The following KIF26B variants were observed in gnomAD, a reference collection of about 807,000 sequenced individuals.
The protein encoded by KIF26B is kinesin-like protein KIF26B.
KIF26B carries 63 observed loss-of-function variants against 151.2 expected under a neutral mutation model. That is an observed-to-expected ratio of 0.42 (90% CI 0.34 to 0.51). KIF26B has a LOEUF of 0.51. KIF26B is among the 20% of genes least tolerant of loss of function. The probability of loss-of-function intolerance (pLI) is 0.07; values close to 1 mark genes in which losing one functional copy is unlikely to be tolerated. For synonymous variants in KIF26B, 1,357 were observed against 1,262.1 expected (o/e 1.08, Z -1.59); for missense variants, 2,813 against 2,913.6 (o/e 0.97, Z 0.79).
At chr1:245,334,488 CCCT>C (rs1672182932) in intron 2 of KIF26B, among the ~76,000 whole-genome samples, 1 of 152,152 alleles carries the variant, frequency 6.6e-6, no homozygotes, top group African/African-American at 2.4e-5. Context: ...ATCAGTCAGT[CCCT>C]CCTCATAAAA....
intron 10 of KIF26B, among the ~76,000 whole-genome samples, chr1:245,648,860 G>T (rs568104243): frequency 6.6e-4 from 101 of 152,268 alleles, no homozygotes; most frequent in African/African-American, 2.4e-3. Flanking sequence ...CAAGTAAGCA[G>T]ACTAGCTTCC....
At chr1:245,252,922 T>G (rs1334212686) in intron 2 of KIF26B, among the ~76,000 whole-genome samples, 1 of 152,272 alleles carries the variant, frequency 6.6e-6, no homozygotes, top group Non-Finnish European at 1.5e-5. Context: ...TGTCCCAGTT[T>G]GCTAATATTT....
Position 245,540,742 on chromosome 1 carries a change from CT to C in KIF26B, c.1167-23del. ...GATCTGATCGTACAATCATTTTCCC[CT>C]TATTGTTCCTTTTTCCACTCCAGAG... On this transcript the variant is annotated intron_variant, in intron 4 of 14. Transcript: ENST00000407071. The surrounding 1 kb of genome is among the most constrained non-coding windows in gnomAD (Gnocchi z 4.6). The C allele has an allele frequency of 6.3e-7, 1 of 1,598,452 alleles. No homozygotes were observed. The highest frequency in any genetic ancestry group is 1.7e-5 in the Admixed American group (1 of 59,994).
intron 5 of KIF26B, among the ~76,000 whole-genome samples, chr1:245,581,672 G>T (rs540194786): frequency 6.6e-6 from 1 of 152,132 alleles, no homozygotes; most frequent in Admixed American, 6.5e-5. Context: ...GAGGGAGGAG[G>T]TGTGGATGCT....
chr1:245,625,530 A>T (rs2043714957), intron 9 of KIF26B, among the ~76,000 whole-genome samples: 1 of 152,228 alleles, frequency 6.6e-6, no homozygotes, highest in Non-Finnish European at 1.5e-5. Context: ...ACACATATTT[A>T]TGGGTGATAT....
At chr1:245,581,274 C>T (rs2043172525) in intron 5 of KIF26B, among the ~76,000 whole-genome samples, 1 of 152,230 alleles carries the variant, frequency 6.6e-6, no homozygotes, top group African/African-American at 2.4e-5. Flanking sequence ...TAAGTATTCA[C>T]CAGGCTCTCT....
chr1:245,452,140 T>C (rs960437161), intron 4 of KIF26B, among the ~76,000 whole-genome samples: 5 of 152,182 alleles, frequency 3.3e-5, no homozygotes, highest in African/African-American at 1.2e-4. Context: ...ATCCACTTTT[T>C]GTTTCTGTGG....
At chr1:245,303,914 C>T (rs1671488760) in intron 2 of KIF26B, among the ~76,000 whole-genome samples, 1 of 152,212 alleles carries the variant, frequency 6.6e-6, no homozygotes, top group South Asian at 2.1e-4. Context: ...ACTGTGAAGA[C>T]ACTCAGTACA....
At chr1:245,372,783 G>A (rs928191201) in intron 3 of KIF26B, among the ~76,000 whole-genome samples, 12 of 152,220 alleles carry the variant, frequency 7.9e-5, no homozygotes, top group Non-Finnish European at 4.4e-5. Context: ...GTGTTGGAAT[G>A]CACCTGTGTA....
chr1:245,702,369 G>T lies in KIF26B; in HGVS notation c.6179-89G>T. ...TAGACCTTTAGACCAAGGGGTAGAT[G>T]TGGGGGTGGCAGCTCCAGGCTGAGC... On this transcript the variant is annotated intron_variant, in intron 14 of 14. Transcript: ENST00000407071. The surrounding 1 kb of genome is among the most constrained non-coding windows in gnomAD (Gnocchi z 4.1). 6.9e-7 allele frequency: 1 copy of T among 1,443,120 alleles called. No individual in the cohort carries two copies. The highest frequency in any genetic ancestry group is 9.6e-7 in the Non-Finnish European group (1 of 1,038,830). 89.4% of individuals were successfully genotyped at this position (1,443,120 alleles called of 1,614,324 possible).
In KIF26B at chr1:245,516,322, G is replaced by C. The variant is rs769732530; in HGVS notation, c.1167-24445G>C. Among the ~76,000 whole-genome samples the C allele has an allele frequency of 3.9e-5, 6 of 152,068 alleles. No individual in the cohort carries two copies. The highest frequency in any genetic ancestry group is 7.3e-5 in the Non-Finnish European group (5 of 68,034). ...ATTTGCAGAACGGCAACAACAAAAC[G>C]TGTAACAGGAATTGTCCGTTCCCAT... On this transcript the variant is annotated intron_variant, in intron 4 of 14. Transcript: ENST00000407071. The surrounding 1 kb of genome is among the most constrained non-coding windows in gnomAD (Gnocchi z 4.2).
intron 2 of KIF26B, among the ~76,000 whole-genome samples, chr1:245,185,848 A>T (rs1668991757): frequency 2.0e-5 from 3 of 151,338 alleles, no homozygotes; most frequent in Admixed American, 1.3e-4. Context: ...AAGAAAAGCT[A>T]TTTATATTTT....
chr1:245,553,160 G>A (rs957516371), intron 5 of KIF26B, among the ~76,000 whole-genome samples: 4 of 152,208 alleles, frequency 2.6e-5, no homozygotes, highest in Admixed American at 1.3e-4. Context: ...TGACACCCCT[G>A]TGGGAAGCTT....
chr1:245,635,098 GTTT>G (rs55861540), intron 9 of KIF26B, among the ~76,000 whole-genome samples: 1 of 133,076 alleles, frequency 7.5e-6, no homozygotes, highest in African/African-American at 2.8e-5. Context: ...AGGTTTTTGT[GTTT>G]TTTTTTTTTT....
Position 245,540,802 on chromosome 1 carries a change from A to G in KIF26B, c.1202A>G (p.Lys401Arg). ...AQKLNLSSKKKKHRPSTSSAA... is the reference protein window; with the variant it reads ...AQKLNLSSKKRKHRPSTSSAA... ...AAGTTAAATCTGTCTTCTAAAAAGA[A>G]GAAACATCGGCCTTCCACTTCTTCC... Residue 401 changes from lysine (K) to arginine (R), a missense_variant, in exon 5 of 15, where the codon AAG becomes AGG. Physicochemically the swap from Lys to Arg is conservative, Grantham distance 26. Coordinates refer to ENST00000407071, the MANE Select transcript of KIF26B (RefSeq NM_018012.4). The surrounding 1 kb of genome is among the most constrained non-coding windows in gnomAD (Gnocchi z 4.6). 6.2e-7 allele frequency: 1 copy of G among 1,614,034 alleles called. No homozygotes were observed. The highest frequency in any genetic ancestry group is 1.3e-5 in the African/African-American group (1 of 75,042).
chr1:245,222,281 A>T lies in KIF26B; in HGVS notation c.465+65598A>T, dbSNP rs551939357. 2.0e-5 allele frequency among the ~76,000 whole-genome samples: 3 copies of T among 152,246 alleles called. No homozygotes were observed. The East Asian group carries it at 5.8e-4, about 29-fold the overall frequency. ...GTAAAACCCCGTCTCTACTAAAAATACAAAAATTAGCCAGGTGTGGTGGTG... is the reference window on the plus strand; with the variant it reads ...GTAAAACCCCGTCTCTACTAAAAATTCAAAAATTAGCCAGGTGTGGTGGTG... On this transcript the variant is annotated intron_variant, in intron 2 of 14. Coordinates refer to ENST00000407071, the MANE Select transcript of KIF26B (RefSeq NM_018012.4).
At chr1:245,467,948 A>T (rs1034223816) in intron 4 of KIF26B, among the ~76,000 whole-genome samples, 2 of 151,922 alleles carry the variant, frequency 1.3e-5, no homozygotes, top group African/African-American at 2.4e-5. Context: ...CTCTGCCTTT[A>T]ATAATGGTTT....
intron 2 of KIF26B, among the ~76,000 whole-genome samples, chr1:245,193,717 A>G (rs1669147596): frequency 6.6e-6 from 1 of 152,240 alleles, no homozygotes; most frequent in African/African-American, 2.4e-5. Flanking sequence ...CAGAGAAGTC[A>G]AGTAAGTGGA....
intron 2 of KIF26B, among the ~76,000 whole-genome samples, chr1:245,300,736 C>T (rs1391293806): frequency 6.6e-6 from 1 of 150,890 alleles, no homozygotes; most frequent in African/African-American, 2.4e-5. Context: ...GCCATATTGA[C>T]CAGGCTGGTC....
Sources: allele counts gnomAD v4.1 joint callset (sites outside exome capture counted in the v4.1 genomes callset), GRCh38; gene constraint gnomAD v4.1.1; non-coding constraint Gnocchi (gnomAD v3.1); transcripts MANE v1.5; gene names NCBI Gene and HGNC (gene_info 2026-07-23, HGNC 2026-07-21).